BNC2: variants seen among roughly 807,000 people sequenced by gnomAD.
The protein encoded by BNC2 is zinc finger protein basonuclin-2.
In BNC2, 20 loss-of-function variants were observed where a neutral mutation model predicts 76.3. The observed-to-expected ratio is 0.26, with a 90% confidence interval of 0.18 to 0.38. The LOEUF is 0.38. Among genes scored for constraint, BNC2 ranks in the 10% least tolerant of loss-of-function variants. BNC2 has a pLI of 1.00. For missense variants in BNC2, 1,382 were observed against 1,399.8 expected, an observed-to-expected ratio of 0.99 and a Z score of 0.20; for synonymous variants, 582 against 514.8, an observed-to-expected ratio of 1.13 and a Z score of -1.77.
At chr9:16,680,062 G>C (rs1822777059) in intron 3 of BNC2, among the ~76,000 whole-genome samples, 1 of 152,190 alleles carries the variant, frequency 6.6e-6, no homozygotes, top group South Asian at 2.1e-4. Flanking sequence ...AGGGTAAACA[G>C]TTTGAAATCA....
chr9:16,512,918 T>C (rs1822793591), intron 5 of BNC2, among the ~76,000 whole-genome samples: 1 of 152,072 alleles, frequency 6.6e-6, no homozygotes, highest in African/African-American at 2.4e-5. Context: ...GGAAGATCAC[T>C]TGAGGCCAGG....
At chr9:16,599,176 C>CCCTCATAAACAAATATGCTTCCTGCCT (rs1820176047) in intron 3 of BNC2, among the ~76,000 whole-genome samples, 2 of 152,164 alleles carry the variant, frequency 1.3e-5, no homozygotes, top group African/African-American at 4.8e-5. Context: ...ACTTCCTGCT[C>CCCTCATAAACAAATATGCTTCCTGCCT]CCTCATAAAC....
chr9:16,751,071 G>C (rs1825177451), intron 1 of BNC2, among the ~76,000 whole-genome samples: 1 of 151,926 alleles, frequency 6.6e-6, no homozygotes, highest in South Asian at 2.1e-4. Context: ...AAATATATCT[G>C]TCATCCCAGA....
intron 5 of BNC2, among the ~76,000 whole-genome samples, chr9:16,523,475 C>CAAA (rs1235558983): frequency 2.2e-5 from 2 of 91,630 alleles, no homozygotes; most frequent in Non-Finnish European, 2.4e-5. Flanking sequence ...CGTCTCAAAA[C>CAAA]AAAAAAAAAA....
chr9:16,837,512 AAAAG>A (rs1818735567), intron 1 of BNC2, among the ~76,000 whole-genome samples: 1 of 152,194 alleles, frequency 6.6e-6, no homozygotes, highest in Non-Finnish European at 1.5e-5. Context: ...CCGAAAAGAA[AAAAG>A]AAAGAAAACC....
At chr9:16,756,315 T>C (rs928718018) in intron 1 of BNC2, among the ~76,000 whole-genome samples, 1 of 152,194 alleles carries the variant, frequency 6.6e-6, no homozygotes, top group South Asian at 2.1e-4. Flanking sequence ...CAACTACCTC[T>C]CCCTGCCTCT....
rs1820582804 is a variant in BNC2 at position 16,416,303 on chromosome 9, T to C, written c.*2686A>G. On this transcript the variant is annotated 3_prime_UTR_variant, in exon 7 of 7. Coordinates refer to ENST00000380672, the MANE Select transcript of BNC2 (RefSeq NM_017637.6). ...ACTGCAAAAGCCAGAGTTTCTATAATGTTTTGTTGGGATATTAAAAATCTT... is the reference window on the plus strand; with the variant it reads ...ACTGCAAAAGCCAGAGTTTCTATAACGTTTTGTTGGGATATTAAAAATCTT... 1 of 152,658 alleles carries C rather than the reference T, an allele frequency of 6.6e-6. No individual in the cohort carries two copies. The highest frequency in any genetic ancestry group is 1.5e-5 in the Non-Finnish European group (1 of 68,044). The allele number at this position is 152,658 out of a possible 1,614,324, so 9.5% of individuals were successfully genotyped here. A position where few individuals can be genotyped will look rare whatever the true frequency, so the allele number is the denominator to read the frequency against.
At chr9:16,715,718 T>G in intron 3 of BNC2, among the ~76,000 whole-genome samples, 1 of 152,288 alleles carries the variant, frequency 6.6e-6, no homozygotes, top group African/African-American at 2.4e-5. Flanking sequence ...TCACTGTGGT[T>G]GAGACATGAG....
chr9:16,852,932 G>A (rs1465718573), intron 1 of BNC2, among the ~76,000 whole-genome samples: 4 of 152,308 alleles, frequency 2.6e-5, no homozygotes, highest in East Asian at 3.9e-4. Context: ...AGGAAACGGC[G>A]TCAGAGTTGG....
intron 5 of BNC2, among the ~76,000 whole-genome samples, chr9:16,486,130 G>A (rs1051273816): frequency 2.0e-5 from 3 of 152,178 alleles, no homozygotes; most frequent in African/African-American, 7.2e-5. Context: ...GGAGGCTAAT[G>A]TGTTTGAGGA....
chr9:16,752,425 G>GT (rs5896705), intron 1 of BNC2, among the ~76,000 whole-genome samples: 130,650 of 151,812 alleles, frequency 0.86, 56,598 homozygotes, highest in Non-Finnish European at 0.91. Context: ...TGAAGTCAAT[G>GT]TGTTTGGGCG....
intron 5 of BNC2, among the ~76,000 whole-genome samples, chr9:16,498,203 C>A (rs10962456): frequency 7.9e-6 from 1 of 127,010 alleles, no homozygotes; most frequent in Non-Finnish European, 1.6e-5. Context: ...ATATATATTC[C>A]ATCATATATA....
chr9:16,854,203 A>C (rs1208932011), intron 1 of BNC2, among the ~76,000 whole-genome samples: 1 of 152,216 alleles, frequency 6.6e-6, no homozygotes, highest in East Asian at 1.9e-4. Context: ...AAAGGTAAAA[A>C]AATGACACTA....
At chr9:16,600,101 T>C (rs1417443799) in intron 3 of BNC2, among the ~76,000 whole-genome samples, 1 of 152,202 alleles carries the variant, frequency 6.6e-6, no homozygotes, top group Non-Finnish European at 1.5e-5. Context: ...GGCCCTACAT[T>C]GATGACCACA....
chr9:16,551,755 G>A (rs1818670292), intron 5 of BNC2, among the ~76,000 whole-genome samples: 1 of 152,140 alleles, frequency 6.6e-6, no homozygotes, highest in Non-Finnish European at 1.5e-5. Context: ...ACACATTTCA[G>A]AGGCAAAGTA....
intron 5 of BNC2, among the ~76,000 whole-genome samples, chr9:16,440,352 GGAA>G (rs1158923090): frequency 6.6e-6 from 1 of 152,094 alleles, no homozygotes; most frequent in East Asian, 1.9e-4. Flanking sequence ...GGACTTCTGA[GGAA>G]GTCTTTCTCT....
At chr9:16,734,349 T>C (rs11790634) in intron 2 of BNC2, among the ~76,000 whole-genome samples, 3 of 152,234 alleles carry the variant, frequency 2.0e-5, no homozygotes, top group Non-Finnish European at 4.4e-5. Flanking sequence ...TAACAGCTTA[T>C]AGATGAACAA....
intron 3 of BNC2, among the ~76,000 whole-genome samples, chr9:16,647,647 G>A (rs567202820): frequency 3.9e-4 from 60 of 152,112 alleles, no homozygotes; most frequent in Non-Finnish European, 8.1e-4. Flanking sequence ...GAGGGAGAGA[G>A]AGGGTTTATC....
intron 5 of BNC2, among the ~76,000 whole-genome samples, chr9:16,503,524 C>G (rs986523166): frequency 1.3e-5 from 2 of 152,094 alleles, no homozygotes; most frequent in Non-Finnish European, 1.5e-5. Context: ...ATGTTTCAGT[C>G]AACATCAGGA....
Sources: gnomAD v4.1 joint callset for allele counts (sites outside exome capture counted in the v4.1 genomes callset) on GRCh38, gnomAD v4.1.1 for gene constraint, MANE v1.5 for transcripts, NCBI Gene and HGNC (gene_info 2026-07-23, HGNC 2026-07-21) for gene names.